Variants in PRCP observed in about 807,000 individuals in gnomAD.
PRCP encodes the protein prolylcarboxypeptidase, also known as lysosomal Pro-X carboxypeptidase.
A neutral mutation model predicts 54.2 loss-of-function variants in PRCP; 46 were observed. The ratio of observed to expected loss-of-function variants is 0.85; its 90% CI spans 0.67 to 1.09. PRCP has a LOEUF of 1.09. PRCP is among the 50% of genes least tolerant of loss of function. The probability of loss-of-function intolerance (pLI) is 0.00; values close to 1 mark genes in which losing one functional copy is unlikely to be tolerated. For synonymous variants in PRCP, 240 were observed against 212.2 expected, an observed-to-expected ratio of 1.13 and a Z score of -1.14; for missense variants, 613 against 596.8, an observed-to-expected ratio of 1.03 and a Z score of -0.28.
chr11:82,879,602 G>A, intron 1 of PRCP, among the ~76,000 whole-genome samples: 1 of 152,196 alleles, frequency 6.6e-6, no homozygotes, highest in Non-Finnish European at 1.5e-5. Flanking sequence ...CTTTGGAGGA[G>A]AAGAGGCACT....
At chr11:82,894,858 T>C (rs1212398316) in intron 1 of PRCP, among the ~76,000 whole-genome samples, 1 of 152,198 alleles carries the variant, frequency 6.6e-6, no homozygotes, top group African/African-American at 2.4e-5. Flanking sequence ...GGTAAATTCA[T>C]TACCATATTT....
chr11:82,860,257 A>G (rs999187798), intron 1 of PRCP, 140 bp from the exon 2 acceptor site: 7 of 454,786 alleles, frequency 1.5e-5, no homozygotes, highest in African/African-American at 8.1e-5. Flanking sequence ...CTGTTTTATT[A>G]TTAATAGTAA....
chr11:82,869,671 A>G (rs1859432435), intron 1 of PRCP, among the ~76,000 whole-genome samples: 1 of 152,232 alleles, frequency 6.6e-6, no homozygotes. Context: ...ACCAATGAAT[A>G]TATAGAGAGT....
chr11:82,860,285 T>A (rs1435671900), intron 1 of PRCP, among the ~76,000 whole-genome samples, 168 bp from the exon 2 acceptor site: 2 of 151,952 alleles, frequency 1.3e-5, no homozygotes, highest in Non-Finnish European at 2.9e-5. Context: ...ATTATTATTT[T>A]GAAATCATTT....
At chr11:82,881,021 T>C (rs754196620) in intron 1 of PRCP, among the ~76,000 whole-genome samples, 3 of 152,208 alleles carry the variant, frequency 2.0e-5, no homozygotes, top group African/African-American at 4.8e-5. Flanking sequence ...CTTGCAACAC[T>C]TTATACTCAT....
At chr11:82,884,947 C>T in intron 1 of PRCP, 5 of 1,586,892 alleles carry the variant, frequency 3.2e-6, no homozygotes, top group Non-Finnish European at 4.3e-6. Context: ...CTAGCACACA[C>T]CTCCCAGCTC....
At chr11:82,888,796 C>T (rs1859929055) in intron 1 of PRCP, among the ~76,000 whole-genome samples, 1 of 152,160 alleles carries the variant, frequency 6.6e-6, no homozygotes, top group Non-Finnish European at 1.5e-5. Flanking sequence ...CCTCCATATA[C>T]ACACACCTTC....
Position 82,899,003 on chromosome 11 carries a change from TA to T in PRCP, c.168+1231del, listed in dbSNP as rs201048144. 8.8e-3 allele frequency among the ~76,000 whole-genome samples: 1,298 copies of T among 146,792 alleles called. 19 individuals are homozygous for T. Among genetic ancestry groups the T allele is most frequent in the African/African-American group, 0.031 (1,234 of 39,608 alleles). On this transcript the variant is annotated intron_variant, in intron 1 of 8. Coordinates refer to ENST00000313010, the MANE Select transcript of PRCP (RefSeq NM_005040.4). Reference sequence around the variant, plus strand: ...CTATTTTTAAAAATAAAAAAATTTTTAAATTATTTCTAAGTTATTCTGGAAG... The same window carrying T: ...CTATTTTTAAAAATAAAAAAATTTTTAATTATTTCTAAGTTATTCTGGAAG...
intron 6 of PRCP, among the ~76,000 whole-genome samples, chr11:82,846,892 T>C (rs975390874): frequency 1.2e-4 from 18 of 152,210 alleles, no homozygotes; most frequent in African/African-American, 4.1e-4. Context: ...TCAACAGCTA[T>C]ATTTCTCCAG....
chr11:82,875,024 T>G (rs890863258), intron 1 of PRCP, among the ~76,000 whole-genome samples: 4 of 144,548 alleles, frequency 2.8e-5, no homozygotes, highest in African/African-American at 1.0e-4. Context: ...TGTAAAACTG[T>G]AAAAAAAAAA....
rs942842926 is a variant in PRCP at position 82,824,042 on chromosome 11, T to G, written c.*864A>C. On this transcript the variant is annotated 3_prime_UTR_variant, in exon 9 of 9. Coordinates refer to ENST00000313010, the MANE Select transcript of PRCP (RefSeq NM_005040.4). ...TTCTACTTTTGGAATAGCTGATTCA[T>G]CAATTTTTAAAGGCTTCTTACTGAA... is the stretch of plus-strand genomic sequence containing the variant. 3 of 152,240 alleles carry G rather than the reference T, an allele frequency of 2.0e-5. No individual in the cohort carries two copies. Among genetic ancestry groups the G allele is most frequent in the African/African-American group, 7.2e-5 (3 of 41,462 alleles). The allele number at this position is 152,240 out of a possible 1,614,324, so 9.4% of individuals were successfully genotyped here. A position where few individuals can be genotyped will look rare whatever the true frequency, so the allele number is the denominator to read the frequency against.
chr11:82,826,911 G>C (rs1357422621), intron 8 of PRCP: 1 of 152,122 alleles, frequency 6.6e-6, no homozygotes, highest in Non-Finnish European at 1.5e-5. Flanking sequence ...TTTCAGGTCT[G>C]CCTCTCATCT....
intron 3 of PRCP, among the ~76,000 whole-genome samples, chr11:82,851,321 T>A (rs1858948248): frequency 6.6e-6 from 1 of 151,878 alleles, no homozygotes; most frequent in South Asian, 2.1e-4. Context: ...GCAGAAATAA[T>A]GATATGTGAC....
chr11:82,833,377 G>T (rs1247488071), intron 8 of PRCP, among the ~76,000 whole-genome samples: 1 of 152,194 alleles, frequency 6.6e-6, no homozygotes, highest in African/African-American at 2.4e-5. Context: ...AAAAGAGGAT[G>T]AGAAAGGACA....
At chr11:82,897,015 CTGAGGGG>C (rs1860133175) in intron 1 of PRCP, among the ~76,000 whole-genome samples, 1 of 152,140 alleles carries the variant, frequency 6.6e-6, no homozygotes, top group Non-Finnish European at 1.5e-5. Context: ...ACATTCTAGC[CTGAGGGG>C]CTCAGGTGGG....
intron 8 of PRCP, among the ~76,000 whole-genome samples, chr11:82,834,712 A>G (rs1263003129): frequency 6.6e-6 from 1 of 152,202 alleles, no homozygotes; most frequent in Non-Finnish European, 1.5e-5. Flanking sequence ...GAACACATGG[A>G]TACAGGGAGG....
upstream of PRCP, chr11:82,900,772 A>C: frequency 2.1e-6 from 1 of 478,038 alleles, no homozygotes; most frequent in Non-Finnish European, 4.1e-6. Flanking sequence ...AGGTCACCCA[A>C]TATCCCTACC....
At chr11:82,871,327 C>A (rs1189570375) in intron 1 of PRCP, among the ~76,000 whole-genome samples, 1 of 151,872 alleles carries the variant, frequency 6.6e-6, no homozygotes, top group Non-Finnish European at 1.5e-5. Context: ...TATGGGCGTG[C>A]CCCACCATTC....
At chr11:82,843,725 A>C (rs973408501) in intron 6 of PRCP, among the ~76,000 whole-genome samples, 1 of 152,216 alleles carries the variant, frequency 6.6e-6, no homozygotes, top group Non-Finnish European at 1.5e-5. Flanking sequence ...TGAAATGTGA[A>C]TAGCTGGGAC....
Sources: allele counts gnomAD v4.1 joint callset (sites outside exome capture counted in the v4.1 genomes callset), GRCh38; gene constraint gnomAD v4.1.1; transcripts MANE v1.5; gene names NCBI Gene and HGNC (gene_info 2026-07-23, HGNC 2026-07-21).